HECTD2: variants seen among roughly 807,000 people sequenced by gnomAD.
HECTD2 encodes the protein probable E3 ubiquitin-protein ligase HECTD2.
In HECTD2, 35 loss-of-function variants were observed where a neutral mutation model predicts 103.2. That is an observed-to-expected ratio of 0.34 (90% CI 0.26 to 0.45). The LOEUF is 0.45. Ranked by LOEUF, HECTD2 falls within the 20% of genes least tolerant of loss-of-function variation. The probability of loss-of-function intolerance (pLI) is 1.00; values close to 1 mark genes in which losing one functional copy is unlikely to be tolerated. For missense variants in HECTD2, 596 were observed against 937.4 expected, an observed-to-expected ratio of 0.64 and a Z score of 4.76; for synonymous variants, 281 against 329.9, an observed-to-expected ratio of 0.85 and a Z score of 1.61.
chr10:91,457,422 T>C (rs1473519617), intron 2 of HECTD2, among the ~76,000 whole-genome samples: 2 of 151,956 alleles, frequency 1.3e-5, no homozygotes, highest in Admixed American at 6.6e-5. Context: ...CTTGACAAAA[T>C]ATTAGCAAAT....
chr10:91,427,014 C>T (rs1363597421), intron 2 of HECTD2, among the ~76,000 whole-genome samples: 1 of 111,778 alleles, frequency 8.9e-6, no homozygotes, highest in Non-Finnish European at 1.8e-5. Flanking sequence ...CCCCACCCCA[C>T]AACAGTCGCC....
chr10:91,424,802 A>T (rs890722411), intron 1 of HECTD2, among the ~76,000 whole-genome samples: 2 of 152,118 alleles, frequency 1.3e-5, no homozygotes, highest in Admixed American at 1.3e-4. Context: ...CTAAAGGGTT[A>T]TCTTTTTACC....
chr10:91,441,908 C>CTT lies in HECTD2; in HGVS notation c.268+16507_268+16508dup, dbSNP rs1475951990. 9.3e-3 allele frequency among the ~76,000 whole-genome samples: 442 copies of CTT among 47,586 alleles called. 12 individuals carry two copies. The highest frequency in any genetic ancestry group is 0.033 in the African/African-American group (388 of 11,922). The allele number at this position is 47,586 out of a possible 152,430, so 31.2% of individuals were successfully genotyped here. ...TTGCTTTTTTTTTTTTTTTTTTTTT[C>CTT]TTTTTTTTTTGCTTTCCATTTGTGT... On this transcript the variant is annotated intron_variant, in intron 2 of 20. Coordinates refer to ENST00000298068, the MANE Select transcript of HECTD2 (RefSeq NM_182765.6).
chr10:91,411,982 G>A (rs1366972742), intron 1 of HECTD2, among the ~76,000 whole-genome samples: 4 of 148,306 alleles, frequency 2.7e-5, no homozygotes, highest in African/African-American at 8.0e-5. Flanking sequence ...TCAAGCAAAC[G>A]CTCTCCCAAA....
At chr10:91,444,477 A>AAT (rs1253144062) in intron 2 of HECTD2, among the ~76,000 whole-genome samples, 1 of 152,214 alleles carries the variant, frequency 6.6e-6, no homozygotes, top group African/African-American at 2.4e-5. Context: ...AGTCATGCAG[A>AAT]ATGTTAACAC....
chr10:91,432,648 A>G (rs1459079402), intron 2 of HECTD2, among the ~76,000 whole-genome samples: 1 of 147,294 alleles, frequency 6.8e-6, no homozygotes, highest in African/African-American at 2.7e-5. Context: ...AAAGAAATGA[A>G]GCAATTCTTC....
rs1842865722 is a variant in HECTD2, at chr10:91,410,425, C to A, written c.-14C>A. ...CCGCCGCCGCCGCCTGGCGCTCCCG[C>A]CGCCCGGCCCGACATGAGTGAGGCG... On this transcript the variant is annotated 5_prime_UTR_variant, in exon 1 of 21. Transcript: ENST00000298068. 1.4e-6 allele frequency: 2 copies of A among 1,379,544 alleles called. No individual in the cohort carries two copies. The highest frequency in any genetic ancestry group is 9.3e-7 in the Non-Finnish European group (1 of 1,069,736). The allele number at this position is 1,379,544 out of a possible 1,614,324, so 85.5% of individuals were successfully genotyped here. A position where few individuals can be genotyped will look rare whatever the true frequency, so the allele number is the denominator to read the frequency against.
At chr10:91,482,924 G>A in intron 7 of HECTD2, 43 bp from the exon 8 acceptor site, 1 of 904,582 alleles carries the variant, frequency 1.1e-6, no homozygotes, top group South Asian at 1.6e-5. Context: ...CCTTTTACGT[G>A]TTAACAGAAT....
chr10:91,503,162 C>T (rs1459419649), intron 20 of HECTD2, among the ~76,000 whole-genome samples: 1 of 152,174 alleles, frequency 6.6e-6, no homozygotes, highest in Admixed American at 6.5e-5. Context: ...TGAAAAAATG[C>T]TCAACATCAC....
intron 2 of HECTD2, among the ~76,000 whole-genome samples, chr10:91,452,143 T>C (rs1844860857): frequency 1.3e-5 from 2 of 152,040 alleles, no homozygotes; most frequent in Non-Finnish European, 2.9e-5. Flanking sequence ...GGACCTCAGA[T>C]ACTATAACAA....
At chr10:91,423,519 C>CA (rs1337282864) in intron 1 of HECTD2, among the ~76,000 whole-genome samples, 6 of 151,832 alleles carry the variant, frequency 4.0e-5, no homozygotes, top group Admixed American at 3.3e-4. Flanking sequence ...AATGTCACAC[C>CA]AAAAAAATGC....
At chr10:91,437,868 A>C (rs1484442041) in intron 2 of HECTD2, among the ~76,000 whole-genome samples, 2 of 151,902 alleles carry the variant, frequency 1.3e-5, no homozygotes, top group Non-Finnish European at 2.9e-5. Context: ...ATAGTTGTAG[A>C]GATGAAAGTG....
intron 20 of HECTD2, among the ~76,000 whole-genome samples, chr10:91,509,691 CACATATTCTT>C (rs1222920225): frequency 6.6e-6 from 1 of 152,034 alleles, no homozygotes; most frequent in East Asian, 1.9e-4. Context: ...AACCAAATAC[CACATATTCTT>C]ACTTGTAAGT....
intron 1 of HECTD2, 91 bp from the exon 2 acceptor site, chr10:91,425,190 T>C: frequency 2.8e-6 from 3 of 1,073,508 alleles, no homozygotes; most frequent in Non-Finnish European, 3.8e-6. Context: ...GTCATCAAAT[T>C]AAAATCTCTT....
intron 20 of HECTD2, among the ~76,000 whole-genome samples, chr10:91,503,073 T>C (rs1310933594): frequency 6.6e-6 from 1 of 152,162 alleles, no homozygotes; most frequent in South Asian, 2.1e-4. Flanking sequence ...TAAATAAGAA[T>C]GGTAATTCCA....
chr10:91,434,426 A>G (rs769546151), intron 2 of HECTD2, among the ~76,000 whole-genome samples: 1 of 152,070 alleles, frequency 6.6e-6, no homozygotes, highest in East Asian at 1.9e-4. Context: ...CTTTGACTCA[A>G]CTACTACCTG....
At chr10:91,467,258 T>G (rs999997746) in intron 5 of HECTD2, among the ~76,000 whole-genome samples, 7 of 152,280 alleles carry the variant, frequency 4.6e-5, no homozygotes, top group African/African-American at 1.4e-4. Flanking sequence ...CAGGGTGAAC[T>G]GCTTACACAT....
At chr10:91,412,282 CTT>C (rs1371524783) in intron 1 of HECTD2, among the ~76,000 whole-genome samples, 2 of 152,130 alleles carry the variant, frequency 1.3e-5, no homozygotes, top group East Asian at 1.9e-4. Flanking sequence ...TGCAAAGACA[CTT>C]CAGTTTCAAG....
At chr10:91,438,345 T>C (rs949611065) in intron 2 of HECTD2, among the ~76,000 whole-genome samples, 17 of 152,178 alleles carry the variant, frequency 1.1e-4, no homozygotes, top group African/African-American at 3.9e-4. Context: ...TGGTTTTCTA[T>C]TCCTATGTTA....
Sources: allele counts gnomAD v4.1 joint callset (sites outside exome capture counted in the v4.1 genomes callset), GRCh38; gene constraint gnomAD v4.1.1; transcripts MANE v1.5; gene names NCBI Gene and HGNC (gene_info 2026-07-23, HGNC 2026-07-21).